Variants in TRMT11 observed in about 807,000 individuals in gnomAD.
The protein encoded by TRMT11 is tRNA methyltransferase 11.
A neutral mutation model predicts 62.8 loss-of-function variants in TRMT11; 53 were observed. The observed-to-expected ratio is 0.84, with a 90% CI of 0.68 to 1.06. The LOEUF is 1.06. Among genes scored for constraint, TRMT11 ranks in the 50% least tolerant of loss-of-function variants. The probability of loss-of-function intolerance (pLI) is 0.00; values close to 1 mark genes in which losing one functional copy is unlikely to be tolerated. For synonymous variants in TRMT11, 188 were observed against 190.3 expected (o/e 0.99, Z 0.10); for missense variants, 556 against 553.4 (o/e 1.00, Z -0.05).
chr6:126,038,885 G>A lies in TRMT11; in HGVS notation c.*49G>A, dbSNP rs1455040168. The A allele has an allele frequency of 6.6e-7, 1 of 1,504,854 alleles. No individual in the cohort carries two copies. Among genetic ancestry groups the A allele is most frequent in the African/African-American group, 1.4e-5 (1 of 70,586 alleles). The allele number at this position is 1,504,854 out of a possible 1,614,324, so 93.2% of individuals were successfully genotyped here. A position where few individuals can be genotyped will look rare whatever the true frequency, so the allele number is the denominator to read the frequency against. On this transcript the variant is annotated 3_prime_UTR_variant, in exon 13 of 13. Coordinates refer to ENST00000334379, the MANE Select transcript of TRMT11 (RefSeq NM_001031712.3). Reference sequence around the variant, plus strand: ...AAAGAATAAGAATTTGATTTAAAAAGACATCTGGATGTGAACTTTCATGTA... The same window carrying A: ...AAAGAATAAGAATTTGATTTAAAAAAACATCTGGATGTGAACTTTCATGTA...
the TRMT11 span, among the ~76,000 whole-genome samples, chr6:126,212,404 G>A: frequency 1.3e-5 from 2 of 152,076 alleles, no homozygotes; most frequent in Non-Finnish European, 2.9e-5. Context: ...CAGTAGGGTT[G>A]CCTTTTCCCT....
intron 21 of TRMT11, among the ~76,000 whole-genome samples, chr6:126,153,984 C>T (rs367608880): frequency 2.6e-5 from 4 of 152,158 alleles, no homozygotes; most frequent in Admixed American, 1.3e-4. Flanking sequence ...CTGAGGCCCC[C>T]ATGTGCGGTC....
At chr6:126,240,962 T>C in the TRMT11 span, among the ~76,000 whole-genome samples, 1 of 152,242 alleles carries the variant, frequency 6.6e-6, no homozygotes, top group Admixed American at 6.5e-5. Context: ...CTCAGACTGC[T>C]GTGCCAGCAA....
At chr6:126,219,708 C>G in the TRMT11 span, among the ~76,000 whole-genome samples, 1 of 152,226 alleles carries the variant, frequency 6.6e-6, no homozygotes, top group Non-Finnish European at 1.5e-5. Context: ...ACAACTGCCT[C>G]TCTCACTATA....
At chr6:126,110,669 CAT>C (rs751916065) in intron 17 of TRMT11, among the ~76,000 whole-genome samples, 43 of 152,148 alleles carry the variant, frequency 2.8e-4, no homozygotes, top group East Asian at 2.1e-3. Context: ...ACCATAGAAA[CAT>C]GTGCGTGTGT....
intron 17 of TRMT11, among the ~76,000 whole-genome samples, chr6:126,073,503 C>A (rs936845387): frequency 2.0e-5 from 3 of 151,930 alleles, no homozygotes; most frequent in African/African-American, 7.3e-5. Flanking sequence ...TTATGTGTGA[C>A]CCACTCTTGT....
At chr6:126,051,385 C>A (rs1776213949) in intron 16 of TRMT11, among the ~76,000 whole-genome samples, 1 of 152,022 alleles carries the variant, frequency 6.6e-6, no homozygotes, top group African/African-American at 2.4e-5. Context: ...TGGGGATCAA[C>A]AATATAAAGT....
chr6:126,060,299 G>GT (rs1250524721), intron 17 of TRMT11, among the ~76,000 whole-genome samples: 1 of 152,180 alleles, frequency 6.6e-6, no homozygotes, highest in East Asian at 1.9e-4. Flanking sequence ...TTGTTTTCTC[G>GT]TAAGTGATAG....
At chr6:126,265,734 A>G in the TRMT11 span, among the ~76,000 whole-genome samples, 1 of 152,194 alleles carries the variant, frequency 6.6e-6, no homozygotes, top group Non-Finnish European at 1.5e-5. Context: ...ACACATGTAC[A>G]ATGATTCCTA....
At chr6:126,220,568 A>G in the TRMT11 span, among the ~76,000 whole-genome samples, 1 of 152,190 alleles carries the variant, frequency 6.6e-6, no homozygotes, top group East Asian at 1.9e-4. Context: ...ATAAAAATGA[A>G]GACATTTCTT....
chr6:126,026,427 C>T (rs866800483), intron 12 of TRMT11, among the ~76,000 whole-genome samples: 1 of 151,818 alleles, frequency 6.6e-6, no homozygotes, highest in African/African-American at 2.4e-5. Context: ...TACTCTGTTG[C>T]CAGGCTGGAG....
intron 17 of TRMT11, among the ~76,000 whole-genome samples, chr6:126,092,621 A>G (rs1777289332): frequency 6.6e-6 from 1 of 152,040 alleles, no homozygotes; most frequent in Non-Finnish European, 1.5e-5. Flanking sequence ...TGTTAGATAG[A>G]CGAACTAGAG....
intron 17 of TRMT11, among the ~76,000 whole-genome samples, chr6:126,093,600 TATATATATATATATATATA>T: frequency 1.2e-5 from 1 of 82,674 alleles, no homozygotes; most frequent in African/African-American, 7.6e-5. Flanking sequence ...TATATATATA[TATATATATATATATATATA>T]TATATATATA....
intron 1 of TRMT11, among the ~76,000 whole-genome samples, chr6:126,195,504 C>T (rs1778655362): frequency 6.6e-6 from 1 of 152,066 alleles, no homozygotes; most frequent in African/African-American, 2.4e-5. Context: ...GTGTAAAAAC[C>T]ATTCACAGAT....
downstream of TRMT11, among the ~76,000 whole-genome samples, chr6:126,206,776 T>C (rs544419728): frequency 1.4e-4 from 21 of 152,352 alleles, no homozygotes; most frequent in Non-Finnish European, 2.4e-4. Flanking sequence ...ATGTGATCAT[T>C]AATCATTTCT....
chr6:126,001,518 T>C (rs2128774952), intron 7 of TRMT11, among the ~76,000 whole-genome samples: 1 of 152,234 alleles, frequency 6.6e-6, no homozygotes, highest in East Asian at 1.9e-4. Flanking sequence ...TGCCCTGCAT[T>C]GGTATTGGTA....
At chr6:126,119,131 G>A (rs1161898126) in intron 21 of TRMT11, among the ~76,000 whole-genome samples, 3 of 152,000 alleles carry the variant, frequency 2.0e-5, no homozygotes, top group Admixed American at 2.0e-4. Flanking sequence ...CCCAAGAGAG[G>A]CCTTTCTGAT....
chr6:126,240,541 A>T, the TRMT11 span, among the ~76,000 whole-genome samples: 1 of 152,114 alleles, frequency 6.6e-6, no homozygotes, highest in Non-Finnish European at 1.5e-5. Context: ...GTGAACATCT[A>T]ATGTTGCTGC....
At chr6:126,037,000 A>G (rs1441547705) in intron 12 of TRMT11, among the ~76,000 whole-genome samples, 2 of 151,356 alleles carry the variant, frequency 1.3e-5, no homozygotes, top group Non-Finnish European at 2.9e-5. Context: ...ATATATCCTT[A>G]GTTAATAGGC....
Sources: allele counts gnomAD v4.1 joint callset (sites outside exome capture counted in the v4.1 genomes callset), GRCh38; gene constraint gnomAD v4.1.1; transcripts MANE v1.5; gene names NCBI Gene and HGNC (gene_info 2026-07-23, HGNC 2026-07-21).